Variants in ZFAT observed in about 807,000 individuals in gnomAD.
ZFAT encodes zinc finger protein ZFAT.
A neutral mutation model predicts 117.7 loss-of-function variants in ZFAT; 64 were observed. That is an observed-to-expected ratio of 0.54 (90% CI 0.44 to 0.67). The LOEUF is 0.67. Ranked by LOEUF, ZFAT falls within the 30% of genes least tolerant of loss-of-function variation. ZFAT has a pLI of 0.00. For synonymous variants in ZFAT, 679 were observed against 615.0 expected, an observed-to-expected ratio of 1.10 and a Z score of -1.54; for missense variants, 1,433 against 1,584.5, an observed-to-expected ratio of 0.90 and a Z score of 1.62.
At chr8:134,713,182 C>T, upstream of ZFAT, 1 of 256,308 alleles carries the variant, frequency 3.9e-6, no homozygotes, top group Non-Finnish European at 7.4e-6. Flanking sequence ...TCCCACTTCA[C>T]GGATTCCGCT....
intron 11 of ZFAT, among the ~76,000 whole-genome samples, chr8:134,557,089 G>A (rs779490114): frequency 4.6e-5 from 7 of 152,086 alleles, no homozygotes; most frequent in Non-Finnish European, 8.8e-5. Context: ...TGTAGGAGGA[G>A]AGTAAATGAA....
At chr8:134,607,163 C>G (rs888656629) in intron 5 of ZFAT, among the ~76,000 whole-genome samples, 5 of 152,190 alleles carry the variant, frequency 3.3e-5, no homozygotes, top group African/African-American at 9.7e-5. Flanking sequence ...TCCCCGCCAA[C>G]AGACCTTGAA....
At chr8:134,505,513 T>A (rs1243506127) in intron 15 of ZFAT, among the ~76,000 whole-genome samples, 4 of 152,128 alleles carry the variant, frequency 2.6e-5, no homozygotes, top group Non-Finnish European at 5.9e-5. Flanking sequence ...AGAGAAGCCA[T>A]CCCAGGTGGA....
chr8:134,639,907 G>A (rs1402396405), intron 2 of ZFAT: 1 of 385,562 alleles, frequency 2.6e-6, no homozygotes, highest in Non-Finnish European at 5.1e-6. Flanking sequence ...CACTCTATGA[G>A]GATGTGATTG....
the ZFAT span, among the ~76,000 whole-genome samples, chr8:134,769,922 A>T: frequency 6.6e-6 from 1 of 152,326 alleles, no homozygotes; most frequent in South Asian, 2.1e-4. Context: ...CCTGAGCTCT[A>T]TGTTGACCCC....
chr8:134,727,380 T>C, the ZFAT span, among the ~76,000 whole-genome samples: 1 of 152,112 alleles, frequency 6.6e-6, no homozygotes, highest in Non-Finnish European at 1.5e-5. Context: ...GAAGAACGGC[T>C]GTGGGGCAAG....
intron 3 of ZFAT, among the ~76,000 whole-genome samples, chr8:134,618,580 C>A (rs1271872956): frequency 6.6e-6 from 1 of 152,144 alleles, no homozygotes; most frequent in East Asian, 1.9e-4. Context: ...TCATACCAAG[C>A]GTGTCTCCTC....
chr8:134,790,253 C>T, the ZFAT span, among the ~76,000 whole-genome samples: 5 of 152,118 alleles, frequency 3.3e-5, no homozygotes, highest in African/African-American at 1.2e-4. Flanking sequence ...TAGTCTAACC[C>T]CCTAAAAGGC....
the ZFAT span, chr8:134,784,470 AATT>A: frequency 1.3e-5 from 2 of 152,196 alleles, no homozygotes; most frequent in Non-Finnish European, 2.9e-5. Context: ...AGAACCCCAA[AATT>A]ATTAATAAAT....
intron 13 of ZFAT, among the ~76,000 whole-genome samples, chr8:134,517,551 G>A (rs372437380): frequency 7.4e-4 from 112 of 152,264 alleles, no homozygotes; most frequent in African/African-American, 1.9e-3. Flanking sequence ...TAATCATGGC[G>A]CAATGATCAA....
At chr8:134,718,913 C>T in the ZFAT span, among the ~76,000 whole-genome samples, 1 of 152,164 alleles carries the variant, frequency 6.6e-6, no homozygotes, top group Non-Finnish European at 1.5e-5. Flanking sequence ...GGAAATATGA[C>T]GTGGCAGTTT....
At chr8:134,769,080 G>A in the ZFAT span, among the ~76,000 whole-genome samples, 1 of 152,130 alleles carries the variant, frequency 6.6e-6, no homozygotes, top group African/African-American at 2.4e-5. Flanking sequence ...GGCTGAGGCA[G>A]GAGAATCGCT....
intron 2 of ZFAT, among the ~76,000 whole-genome samples, chr8:134,648,461 A>T (rs1459852470): frequency 6.6e-6 from 1 of 152,112 alleles, no homozygotes; most frequent in Non-Finnish European, 1.5e-5. Context: ...TGTTAAAATC[A>T]ATAATGAAAG....
At chr8:134,587,654 A>G (rs1258927652) in intron 9 of ZFAT, among the ~76,000 whole-genome samples, 1 of 152,140 alleles carries the variant, frequency 6.6e-6, no homozygotes, top group Non-Finnish European at 1.5e-5. Context: ...CTGTTGCCCT[A>G]GTAGAATCTT....
chr8:134,774,499 C>A, the ZFAT span, among the ~76,000 whole-genome samples: 1 of 152,304 alleles, frequency 6.6e-6, no homozygotes, highest in Admixed American at 6.5e-5. Context: ...CAAGACACCA[C>A]ACCAGGAAAA....
intron 11 of ZFAT, among the ~76,000 whole-genome samples, chr8:134,537,284 A>G (rs1466564893): frequency 6.6e-6 from 1 of 152,210 alleles, no homozygotes; most frequent in Non-Finnish European, 1.5e-5. Context: ...TTTGCATCAG[A>G]TTTGGGGCCC....
the ZFAT span, among the ~76,000 whole-genome samples, chr8:134,719,118 G>A: frequency 6.6e-6 from 1 of 152,212 alleles, no homozygotes; most frequent in African/African-American, 2.4e-5. Flanking sequence ...TCTGGGCCTG[G>A]AGATCTGGCT....
intron 1 of ZFAT, among the ~76,000 whole-genome samples, chr8:134,687,397 C>T (rs1054338681): frequency 5.3e-5 from 8 of 152,208 alleles, no homozygotes; most frequent in African/African-American, 1.2e-4. Flanking sequence ...TTTATGCATA[C>T]ACATCTCTTC....
intron 10 of ZFAT, among the ~76,000 whole-genome samples, chr8:134,568,946 G>A (rs866142406): frequency 2.0e-5 from 3 of 152,154 alleles, no homozygotes; most frequent in Admixed American, 6.5e-5. Flanking sequence ...GTATTTACTC[G>A]AGGTGAGATT....
Sources: allele counts gnomAD v4.1 joint callset (sites outside exome capture counted in the v4.1 genomes callset), GRCh38; gene constraint gnomAD v4.1.1; transcripts MANE v1.5; gene names NCBI Gene and HGNC (gene_info 2026-07-23, HGNC 2026-07-21).